GAB2: variants seen among roughly 807,000 people sequenced by gnomAD.
GAB2 encodes the protein GRB2-associated-binding protein 2.
In GAB2, 26 loss-of-function variants were observed where a neutral mutation model predicts 65.5. That is an observed-to-expected ratio of 0.40 (90% CI 0.29 to 0.55). The LOEUF is 0.55. Ranked by LOEUF, GAB2 falls within the 20% of genes least tolerant of loss-of-function variation. The probability of loss-of-function intolerance (pLI) is 0.53; values close to 1 mark genes in which losing one functional copy is unlikely to be tolerated. For synonymous variants in GAB2, 321 were observed against 329.6 expected, an observed-to-expected ratio of 0.97 and a Z score of 0.28; for missense variants, 884 against 875.8, an observed-to-expected ratio of 1.01 and a Z score of -0.12.
At position 78,267,857 on chromosome 11, in the gene GAB2, C is replaced by CAAAAAAAAAAAAAAAAAAAAA. The variant is rs751533828; in HGVS notation, c.376+12723_376+12743dup. Among the ~76,000 whole-genome samples, 164 of 32,788 alleles carry CAAAAAAAAAAAAAAAAAAAAA rather than the reference C, an allele frequency of 5.0e-3. 13 individuals carry two copies. The highest frequency in any genetic ancestry group is 8.1e-3 in the East Asian group (5 of 614). 21.5% of individuals were successfully genotyped at this position (32,788 alleles called of 152,430 possible). A position where few individuals can be genotyped will look rare whatever the true frequency, so the allele number is the denominator to read the frequency against. On this transcript the variant is annotated intron_variant, in intron 2 of 9. Transcript: ENST00000361507. ...TGGGTGATAGAGCGAGACTCCGTCT[C>CAAAAAAAAAAAAAAAAAAAAA]AAAAAAAAAAAAAAAAAAAAAAAAG...
intron 2 of GAB2, among the ~76,000 whole-genome samples, chr11:78,276,258 C>T (rs1260719432): frequency 6.6e-6 from 1 of 151,966 alleles, no homozygotes; most frequent in Non-Finnish European, 1.5e-5. Flanking sequence ...TGTGATTATG[C>T]CACTATATCC....
chr11:78,276,780 A>C (rs1282469816), intron 2 of GAB2, among the ~76,000 whole-genome samples: 1 of 152,156 alleles, frequency 6.6e-6, no homozygotes, highest in Non-Finnish European at 1.5e-5. Flanking sequence ...GGATTCAGAC[A>C]ATATCTTTTA....
intron 1 of GAB2, among the ~76,000 whole-genome samples, chr11:78,307,885 G>A (rs1184832469): frequency 6.6e-6 from 1 of 152,184 alleles, no homozygotes. Context: ...GTCTTTGAGG[G>A]TGTTTCTGGG....
At chr11:78,235,925 C>T (rs1200691604) in intron 3 of GAB2, among the ~76,000 whole-genome samples, 2 of 152,216 alleles carry the variant, frequency 1.3e-5, no homozygotes, top group South Asian at 2.1e-4. Flanking sequence ...CAACGCCCCA[C>T]TCTACTGGTA....
At chr11:78,234,073 A>T (rs1222188718) in intron 3 of GAB2, among the ~76,000 whole-genome samples, 1 of 152,010 alleles carries the variant, frequency 6.6e-6, no homozygotes, top group Non-Finnish European at 1.5e-5. Flanking sequence ...TTCTTCTAGA[A>T]GTTTCTTTTC....
At chr11:78,328,026 A>G (rs377252404) in intron 1 of GAB2, among the ~76,000 whole-genome samples, 14 of 152,132 alleles carry the variant, frequency 9.2e-5, no homozygotes, top group East Asian at 3.8e-4. Flanking sequence ...TAGAAGTGGA[A>G]AAGTGGGAAA....
rs116615392 is a variant in GAB2, at chr11:78,320,222, G to T, written c.76-39321C>A. On this transcript the variant is annotated intron_variant, in intron 1 of 9. Coordinates refer to ENST00000361507, the MANE Select transcript of GAB2 (RefSeq NM_080491.3). ...CAATTTTATTTTCTTTTTTTCTAGA[G>T]ACAGGGGTCTCACTATGTTTCCCAG... Among the ~76,000 whole-genome samples, 1,060 of 152,148 alleles carry T rather than the reference G, an allele frequency of 7.0e-3. 15 individuals are homozygous for T. The highest frequency in any genetic ancestry group is 0.024 in the African/African-American group (1,010 of 41,522).
intron 1 of GAB2, among the ~76,000 whole-genome samples, chr11:78,363,153 T>C (rs113611455): frequency 0.034 from 5,239 of 152,288 alleles, 282 homozygotes; most frequent in African/African-American, 0.12. Flanking sequence ...CTAAGAAAAT[T>C]AATCAGAACG....
chr11:78,371,256 C>T (rs1856568202), intron 1 of GAB2, among the ~76,000 whole-genome samples: 1 of 152,192 alleles, frequency 6.6e-6, no homozygotes, highest in Non-Finnish European at 1.5e-5. Context: ...AAAACCTATA[C>T]TTAGTCTATA....
intron 1 of GAB2, among the ~76,000 whole-genome samples, chr11:78,290,462 T>C (rs1463696953): frequency 6.6e-6 from 1 of 152,204 alleles, no homozygotes; most frequent in African/African-American, 2.4e-5. Context: ...AGACAGTACA[T>C]GTCACATGAA....
intron 1 of GAB2, among the ~76,000 whole-genome samples, chr11:78,417,191 G>T (rs991283673): frequency 1.3e-5 from 2 of 152,142 alleles, no homozygotes; most frequent in African/African-American, 4.8e-5. Flanking sequence ...GAAGGAGAGG[G>T]CGTGAGGCGC....
intron 1 of GAB2, among the ~76,000 whole-genome samples, chr11:78,291,548 CTTTTTTCTTTT>C (rs1565145489): frequency 2.2e-3 from 147 of 66,308 alleles, no homozygotes; most frequent in African/African-American, 9.0e-3. Context: ...GAGAGACTTA[CTTTTTTCTTTT>C]TCTTTTTTTT....
intron 1 of GAB2, among the ~76,000 whole-genome samples, chr11:78,398,795 C>T (rs1856934767): frequency 6.6e-6 from 1 of 152,168 alleles, no homozygotes; most frequent in Non-Finnish European, 1.5e-5. Context: ...AAATGGCTAG[C>T]TAATTCCAGG....
chr11:78,340,901 A>T (rs1856082281), intron 1 of GAB2, among the ~76,000 whole-genome samples: 1 of 152,172 alleles, frequency 6.6e-6, no homozygotes, highest in Admixed American at 6.5e-5. Context: ...CCTCATCACA[A>T]TGGTGATCAG....
intron 1 of GAB2, among the ~76,000 whole-genome samples, chr11:78,413,218 AC>A (rs1300199322): frequency 6.6e-6 from 1 of 152,206 alleles, no homozygotes. Context: ...TAACTTGATG[AC>A]CACCATGCAA....
At position 78,248,178 on chromosome 11, in the gene GAB2, A is replaced by G. The variant is rs560027155; in HGVS notation, c.620+1979T>C. 4.1e-4 allele frequency among the ~76,000 whole-genome samples: 63 copies of G among 152,346 alleles called. No individual in the cohort carries two copies. The Middle Eastern group carries it at 0.01, about 25-fold the overall frequency. ...GAGAGAATAAAAAACTGCTGTGGCA[A>G]TTCAGAGAAAAAGTGAATTCCAGGT... On this transcript the variant is annotated intron_variant, in intron 3 of 9. Transcript: ENST00000361507.
rs1041009996 is a variant in GAB2, at chr11:78,223,396, G to A, written c.1567+16C>T. 6.6e-7 allele frequency: 1 copy of A among 1,505,470 alleles called. No homozygotes were observed. Among genetic ancestry groups the A allele is most frequent in the Non-Finnish European group, 8.9e-7 (1 of 1,125,238 alleles). 93.3% of individuals were successfully genotyped at this position (1,505,470 alleles called of 1,614,324 possible). A position where few individuals can be genotyped will look rare whatever the true frequency, so the allele number is the denominator to read the frequency against. On this transcript the variant is annotated intron_variant, in intron 6 of 9. Coordinates refer to ENST00000361507, the MANE Select transcript of GAB2 (RefSeq NM_080491.3). Reference sequence around the variant, plus strand: ...GCCACTGTCCAGAGATGGGACAGGGGAAAGAATGGACTTACCTTTCCGATC... The same window carrying A: ...GCCACTGTCCAGAGATGGGACAGGGAAAAGAATGGACTTACCTTTCCGATC...
intron 3 of GAB2, among the ~76,000 whole-genome samples, chr11:78,241,570 AAG>A (rs1449950082): frequency 6.6e-6 from 1 of 152,056 alleles, no homozygotes; most frequent in Non-Finnish European, 1.5e-5. Flanking sequence ...AATTAGGAAA[AAG>A]AATTCACAAT....
chr11:78,410,665 C>A (rs921937666), intron 1 of GAB2, among the ~76,000 whole-genome samples: 2 of 152,108 alleles, frequency 1.3e-5, no homozygotes, highest in Admixed American at 1.3e-4. Context: ...ACAAAATGGA[C>A]CAATTTGTTG....
Sources: allele counts gnomAD v4.1 joint callset (sites outside exome capture counted in the v4.1 genomes callset), GRCh38; gene constraint gnomAD v4.1.1; transcripts MANE v1.5; gene names NCBI Gene and HGNC (gene_info 2026-07-23, HGNC 2026-07-21).